The following GABRA2 variants were observed in gnomAD, a reference collection of about 807,000 sequenced individuals.
GABRA2 encodes the protein gamma-aminobutyric acid receptor subunit alpha-2.
Under a neutral mutation model 48.7 loss-of-function variants are expected in GABRA2, and 16 were observed. That is an observed-to-expected ratio of 0.33 (90% CI 0.22 to 0.50). GABRA2 has a LOEUF of 0.50. Among genes scored for constraint, GABRA2 ranks in the 20% least tolerant of loss-of-function variants. GABRA2 has a pLI of 0.98. For missense variants in GABRA2, 275 were observed against 535.6 expected, an observed-to-expected ratio of 0.51 and a Z score of 4.80; for synonymous variants, 185 against 184.5, an observed-to-expected ratio of 1.00 and a Z score of -0.02.
chr4:46,349,682 C>A (rs541468846), intron 3 of GABRA2, among the ~76,000 whole-genome samples: 19 of 151,838 alleles, frequency 1.3e-4, no homozygotes, highest in Non-Finnish European at 2.8e-4. Context: ...CCCTGGATCT[C>A]CTGGATCAGT....
chr4:46,343,921 C>G (rs1457294688), intron 3 of GABRA2, among the ~76,000 whole-genome samples: 1 of 151,918 alleles, frequency 6.6e-6, no homozygotes, highest in East Asian at 1.9e-4. Context: ...CTCTATGCAC[C>G]TAAATTTCTT....
At chr4:46,301,303 A>G (rs899317522) in intron 8 of GABRA2, among the ~76,000 whole-genome samples, 2 of 152,200 alleles carry the variant, frequency 1.3e-5, no homozygotes, top group African/African-American at 2.4e-5. Flanking sequence ...CATGTCAATC[A>G]ACCTCAACAA....
At chr4:46,315,179 G>A (rs1029234628) in intron 4 of GABRA2, among the ~76,000 whole-genome samples, 1 of 144,890 alleles carries the variant, frequency 6.9e-6, no homozygotes, top group African/African-American at 2.6e-5. Context: ...TGGCCATTCT[G>A]ACTGATATAA....
rs1215377972 is a variant in GABRA2, at chr4:46,245,434, T to TA, written c.*4873_*4874insT. Among the ~76,000 whole-genome samples, 2 of 150,982 alleles carry TA rather than the reference T, an allele frequency of 1.3e-5. No homozygotes were observed. The highest frequency in any genetic ancestry group is 4.9e-5 in the African/African-American group (2 of 41,148). On this transcript the variant is annotated 3_prime_UTR_variant, in exon 10 of 10. Coordinates refer to ENST00000381620, the MANE Select transcript of GABRA2 (RefSeq NM_000807.4). ...AGATCATTTTGAATTTAATCTTTTT[T>TA]TAAAAAAAAACTAGAAATACATTCG...
At chr4:46,360,747 C>A (rs1375144705) in intron 3 of GABRA2, among the ~76,000 whole-genome samples, 1 of 152,176 alleles carries the variant, frequency 6.6e-6, no homozygotes, top group African/African-American at 2.4e-5. Flanking sequence ...ATGTTTGGAA[C>A]TACCTAGAGA....
At chr4:46,320,363 T>C (rs924387026) in intron 4 of GABRA2, among the ~76,000 whole-genome samples, 5 of 151,882 alleles carry the variant, frequency 3.3e-5, no homozygotes, top group South Asian at 2.1e-4. Flanking sequence ...CTCTTTGACA[T>C]TGATCTTGGC....
rs148265438 is a variant in GABRA2, at chr4:46,269,695, G to A, written c.857-7567C>T. On this transcript the variant is annotated intron_variant, in intron 8 of 9. Transcript: ENST00000381620. ...TGGATTGAATGGAGAAAATTAAAAC[G>A]GACTTGTGGCTGACTTTTTTTTGTT... Among the ~76,000 whole-genome samples the A allele has an allele frequency of 3.6e-4, 55 of 151,696 alleles. No homozygotes were observed. In the Middle Eastern group the frequency reaches 0.014, roughly 38 times the overall value.
intron 6 of GABRA2, among the ~76,000 whole-genome samples, chr4:46,309,423 A>C (rs1255148933): frequency 6.6e-6 from 1 of 152,062 alleles, no homozygotes; most frequent in Non-Finnish European, 1.5e-5. Flanking sequence ...CACAGTCTCT[A>C]AAAAGGTCAG....
At chr4:46,354,753 C>T (rs950228646) in intron 3 of GABRA2, among the ~76,000 whole-genome samples, 1 of 152,202 alleles carries the variant, frequency 6.6e-6, no homozygotes, top group Non-Finnish European at 1.5e-5. Context: ...ATGTCACACA[C>T]AGTTTCAAGA....
intron 8 of GABRA2, among the ~76,000 whole-genome samples, chr4:46,280,720 T>C (rs551810498): frequency 2.6e-5 from 4 of 152,284 alleles, no homozygotes; most frequent in Admixed American, 6.5e-5. Context: ...TAACTCCTCA[T>C]GTGGCTATTT....
At chr4:46,305,762 T>G in intron 6 of GABRA2, 51 bp from the exon 7 acceptor site, 1 of 1,332,876 alleles carries the variant, frequency 7.5e-7, no homozygotes, top group Non-Finnish European at 1.1e-6. Flanking sequence ...GAACCATCAA[T>G]CTAGTGCTAC....
chr4:46,261,012 A>G (rs779107158), intron 9 of GABRA2: 1 of 151,966 alleles, frequency 6.6e-6, no homozygotes, highest in Non-Finnish European at 1.5e-5. Context: ...ATCCAAATTT[A>G]ATAAAAGAAG....
rs534711626 is a variant in GABRA2 at position 46,306,813 on chromosome 4, C to T, written c.560-1102G>A. On this transcript the variant is annotated intron_variant, in intron 6 of 9. Transcript: ENST00000381620. ...CTTTCCTAGCTTTAATAGCACCATACTGTGGTGACTCTGGTTCTGAAATTG... is the reference window on the plus strand; with the variant it reads ...CTTTCCTAGCTTTAATAGCACCATATTGTGGTGACTCTGGTTCTGAAATTG... Among the ~76,000 whole-genome samples, 24 of 152,226 alleles carry T rather than the reference C, an allele frequency of 1.6e-4. No homozygotes were observed. The South Asian group carries it at 4.8e-3, about 30-fold the overall frequency.
Position 46,259,602 on chromosome 4 carries a change from G to A in GABRA2, c.1059+2324C>T, listed in dbSNP as rs1292422019. On this transcript the variant is annotated intron_variant, in intron 9 of 9. Coordinates refer to ENST00000381620, the MANE Select transcript of GABRA2 (RefSeq NM_000807.4). ...TTAAAACATACAATATCAATATGGA[G>A]CTGAATCATTATTCTTATGGGGCAA... Among the ~76,000 whole-genome samples, 3 of 151,974 alleles carry A rather than the reference G, an allele frequency of 2.0e-5. No homozygotes were observed. In the South Asian group the frequency reaches 6.2e-4, roughly 32 times the overall value.
intron 3 of GABRA2, among the ~76,000 whole-genome samples, chr4:46,359,865 C>G (rs1301525774): frequency 2.0e-5 from 3 of 150,444 alleles, no homozygotes; most frequent in Non-Finnish European, 2.9e-5. Flanking sequence ...TGCAGTGAGC[C>G]AAGATCGTGC....
At chr4:46,272,122 A>G (rs1453409907) in intron 8 of GABRA2, among the ~76,000 whole-genome samples, 1 of 152,012 alleles carries the variant, frequency 6.6e-6, no homozygotes, top group African/African-American at 2.4e-5. Context: ...GCTGCAGTAT[A>G]TATAGCTCAA....
In GABRA2 at chr4:46,275,809, A is replaced by T. The variant is rs76788128; in HGVS notation, c.857-13681T>A. Among the ~76,000 whole-genome samples the T allele has an allele frequency of 2.2e-3, 329 of 152,294 alleles. 15 individuals are homozygous for T. In the East Asian group the frequency reaches 0.06, roughly 28 times the overall value. On this transcript the variant is annotated intron_variant, in intron 8 of 9. Coordinates refer to ENST00000381620, the MANE Select transcript of GABRA2 (RefSeq NM_000807.4). ...ATACGTTATTTGTGATAAATAGTAC[A>T]TCATTAGAGAATTTTTATCACAAAA... is the stretch of plus-strand genomic sequence containing the variant.
intron 9 of GABRA2, 129 bp downstream of exon 9, chr4:46,261,797 G>T: frequency 2.4e-6 from 2 of 825,042 alleles, no homozygotes; most frequent in Non-Finnish European, 3.9e-6. Flanking sequence ...CACTTTAAAA[G>T]AAATTGATAT....
Position 46,390,101 on chromosome 4 carries a change from G to T in GABRA2, c.-377C>A, listed in dbSNP as rs1263296848. 2.8e-5 allele frequency: 27 copies of T among 973,444 alleles called. No homozygotes were observed. Among genetic ancestry groups the T allele is most frequent in the Admixed American group, 1.2e-4 (2 of 16,156 alleles). 60.3% of individuals were successfully genotyped at this position (973,444 alleles called of 1,614,324 possible). A position where few individuals can be genotyped will look rare whatever the true frequency, so the allele number is the denominator to read the frequency against. On this transcript the variant is annotated 5_prime_UTR_variant, in exon 1 of 10. Coordinates refer to ENST00000381620, the MANE Select transcript of GABRA2 (RefSeq NM_000807.4). The stretch of plus-strand genomic sequence containing the variant: ...CGCGGGCGGAGGCGCGGTGCGCGCC[G>T]GCGGTGGCGGGCACGAGCCCCGCGC...
Sources: gnomAD v4.1 joint callset for allele counts (sites outside exome capture counted in the v4.1 genomes callset) on GRCh38, gnomAD v4.1.1 for gene constraint, MANE v1.5 for transcripts, NCBI Gene and HGNC (gene_info 2026-07-23, HGNC 2026-07-21) for gene names.